The following MKLN1 variants were observed in gnomAD, a reference collection of about 807,000 sequenced individuals.
The protein encoded by MKLN1 is muskelin.
MKLN1 carries 18 observed loss-of-function variants against 99.0 expected under a neutral mutation model. That is an observed-to-expected ratio of 0.18 (90% CI 0.13 to 0.27). MKLN1 has a LOEUF of 0.27. MKLN1 is among the 10% of genes least tolerant of loss of function. The probability of loss-of-function intolerance (pLI) is 1.00; values close to 1 mark genes in which losing one functional copy is unlikely to be tolerated. For missense variants in MKLN1, 621 were observed against 875.9 expected (o/e 0.71, Z 3.67); for synonymous variants, 288 against 293.2 (o/e 0.98, Z 0.18).
chr7:131,242,484 T>C (rs1217356701), intron 3 of MKLN1: 1 of 237,216 alleles, frequency 4.2e-6, no homozygotes, highest in Non-Finnish European at 8.4e-6. Flanking sequence ...TAAAGTGAGC[T>C]GTGATTGCGC....
At chr7:131,313,042 A>G (rs749018128) in intron 3 of MKLN1, among the ~76,000 whole-genome samples, 5 of 152,250 alleles carry the variant, frequency 3.3e-5, no homozygotes, top group Non-Finnish European at 7.3e-5. Flanking sequence ...AAAATACCAT[A>G]AAAGCAATGG....
At chr7:131,123,764 G>A (rs1320060055) in intron 1 of MKLN1, among the ~76,000 whole-genome samples, 2 of 149,466 alleles carry the variant, frequency 1.3e-5, no homozygotes, top group Non-Finnish European at 3.0e-5. Context: ...CTCCAGCCTG[G>A]GCAACAGAGC....
At chr7:131,444,248 G>C (rs1795928715) in intron 11 of MKLN1, among the ~76,000 whole-genome samples, 1 of 151,766 alleles carries the variant, frequency 6.6e-6, no homozygotes, top group Non-Finnish European at 1.5e-5. Flanking sequence ...CTCCCAAGTA[G>C]CTGGGATTAC....
At chr7:131,137,248 T>A (rs1018309556) in intron 1 of MKLN1, among the ~76,000 whole-genome samples, 3 of 151,918 alleles carry the variant, frequency 2.0e-5, no homozygotes, top group African/African-American at 7.3e-5. Flanking sequence ...GGCTGGAGAG[T>A]GTGGATGAAT....
intron 2 of MKLN1, among the ~76,000 whole-genome samples, chr7:131,158,048 C>A (rs899838524): frequency 2.0e-5 from 3 of 152,220 alleles, no homozygotes; most frequent in African/African-American, 7.2e-5. Flanking sequence ...TCCGCAAGCT[C>A]TTCTGTTTAC....
At chr7:131,375,843 T>G (rs1469055335) in intron 2 of MKLN1, among the ~76,000 whole-genome samples, 1 of 149,930 alleles carries the variant, frequency 6.7e-6, no homozygotes. Context: ...ATTATAATAT[T>G]ATTATACTTA....
At chr7:131,248,208 G>A (rs1797524375) in intron 3 of MKLN1, among the ~76,000 whole-genome samples, 1 of 151,744 alleles carries the variant, frequency 6.6e-6, no homozygotes, top group African/African-American at 2.4e-5. Context: ...TTACAGACGT[G>A]AGAAGAAAAA....
chr7:131,443,715 C>T lies in MKLN1; in HGVS notation c.1395+13C>T, dbSNP rs765103740. ...GTTATTCCACTCAGTAAGAACATTC[C>T]GTACATTGCGTAAATGTTATTTTGT... On this transcript the variant is annotated intron_variant, in intron 11 of 17. Coordinates refer to ENST00000352689, the MANE Select transcript of MKLN1 (RefSeq NM_013255.5). 1.5e-5 allele frequency: 22 copies of T among 1,514,626 alleles called. No homozygotes were observed. The Admixed American group carries it at 2.3e-4, about 16-fold the overall frequency. 93.8% of individuals were successfully genotyped at this position (1,514,626 alleles called of 1,614,324 possible).
At chr7:131,252,884 C>A (rs565774547) in intron 3 of MKLN1, among the ~76,000 whole-genome samples, 2 of 152,228 alleles carry the variant, frequency 1.3e-5, no homozygotes, top group East Asian at 1.9e-4. Context: ...CATTTATGTC[C>A]AAATTCACCT....
chr7:131,203,075 T>G (rs1796755394), intron 3 of MKLN1: 2 of 152,190 alleles, frequency 1.3e-5, no homozygotes, highest in African/African-American at 4.8e-5. Context: ...AATGCTTACA[T>G]TTGTAGAGGG....
chr7:131,462,169 C>G (rs556770459), intron 12 of MKLN1, among the ~76,000 whole-genome samples: 2 of 152,146 alleles, frequency 1.3e-5, no homozygotes, highest in South Asian at 4.1e-4. Context: ...ATAGCTAGAA[C>G]TACATGTGCA....
chr7:131,190,735 T>G (rs1011204212), intron 2 of MKLN1, among the ~76,000 whole-genome samples: 1 of 152,142 alleles, frequency 6.6e-6, no homozygotes, highest in Non-Finnish European at 1.5e-5. Context: ...AAATGCAGAT[T>G]GCTATAAGAC....
intron 3 of MKLN1, chr7:131,242,510 T>C (rs1797420052): frequency 3.8e-6 from 1 of 262,274 alleles, no homozygotes; most frequent in African/African-American, 2.3e-5. Context: ...CCCTCCAGGC[T>C]GGGTGACAGA....
chr7:131,132,207 C>T (rs1485277689), intron 1 of MKLN1, among the ~76,000 whole-genome samples: 1 of 152,204 alleles, frequency 6.6e-6, no homozygotes, highest in African/African-American at 2.4e-5. Flanking sequence ...GATCATAAAA[C>T]ACCATGAGTC....
intron 6 of MKLN1, among the ~76,000 whole-genome samples, chr7:131,400,749 C>T (rs1350892914): frequency 6.6e-6 from 1 of 151,830 alleles, no homozygotes; most frequent in South Asian, 2.1e-4. Flanking sequence ...TCTTTAGTGA[C>T]GTACTCAGTT....
chr7:131,235,301 G>A (rs549747566), intron 3 of MKLN1, among the ~76,000 whole-genome samples: 3 of 149,558 alleles, frequency 2.0e-5, no homozygotes, highest in South Asian at 2.1e-4. Context: ...CACACTGTGT[G>A]TGTGTGTGTA....
chr7:131,190,020 A>G (rs1796510958), intron 2 of MKLN1, among the ~76,000 whole-genome samples: 1 of 152,196 alleles, frequency 6.6e-6, no homozygotes, highest in South Asian at 2.1e-4. Flanking sequence ...TAAGTGTGAC[A>G]AGGTTAAATG....
chr7:131,284,758 G>C (rs1201574795), intron 3 of MKLN1, among the ~76,000 whole-genome samples: 1 of 152,216 alleles, frequency 6.6e-6, no homozygotes, highest in Non-Finnish European at 1.5e-5. Flanking sequence ...GTGCCTGTCA[G>C]CTATGTCTGC....
intron 2 of MKLN1, among the ~76,000 whole-genome samples, chr7:131,202,016 A>G (rs1434354667): frequency 3.3e-5 from 5 of 152,200 alleles, no homozygotes; most frequent in Admixed American, 3.3e-4. Flanking sequence ...CAAATTTAAA[A>G]TGACTAGGGT....
Sources: allele counts gnomAD v4.1 joint callset (sites outside exome capture counted in the v4.1 genomes callset), GRCh38; gene constraint gnomAD v4.1.1; transcripts MANE v1.5; gene names NCBI Gene and HGNC (gene_info 2026-07-23, HGNC 2026-07-21).